The following PARD3 variants were observed in gnomAD, a reference collection of about 807,000 sequenced individuals.
The protein encoded by PARD3 is par-3 family cell polarity regulator, also known as partitioning defective 3 homolog.
PARD3 carries 75 observed loss-of-function variants against 155.4 expected under a neutral mutation model. The ratio of observed to expected loss-of-function variants is 0.48; its 90% CI spans 0.40 to 0.58. PARD3 has a LOEUF of 0.58. Ranked by LOEUF, PARD3 falls within the 20% of genes least tolerant of loss-of-function variation. The pLI is 0.00. For missense variants in PARD3, 1,642 were observed against 1,721.7 expected (o/e 0.95, Z 0.82); for synonymous variants, 576 against 610.5 (o/e 0.94, Z 0.83).
intron 22 of PARD3, among the ~76,000 whole-genome samples, chr10:34,246,835 T>C (rs144761293): frequency 3.3e-5 from 5 of 152,258 alleles, no homozygotes; most frequent in African/African-American, 1.2e-4. Context: ...TGAAAGTTAC[T>C]CTGCAACTGG....
chr10:34,663,318 T>C (rs1039184212), intron 2 of PARD3, among the ~76,000 whole-genome samples: 1 of 151,670 alleles, frequency 6.6e-6, no homozygotes, highest in East Asian at 1.9e-4. Flanking sequence ...ACAAAAAAAA[T>C]AGCCAGGCGT....
chr10:34,346,735 C>T (rs7069373), intron 15 of PARD3, among the ~76,000 whole-genome samples: 5,782 of 152,232 alleles, frequency 0.038, 313 homozygotes, highest in African/African-American at 0.12. Context: ...CATTCACTTA[C>T]GCCAAGCATG....
chr10:34,409,861 ATAATT>A (rs751425778), intron 5 of PARD3, among the ~76,000 whole-genome samples: 1 of 152,356 alleles, frequency 6.6e-6, no homozygotes. Flanking sequence ...AACAAATACA[ATAATT>A]TAAAGTATTA....
At chr10:34,702,140 G>C (rs570124895) in intron 1 of PARD3, among the ~76,000 whole-genome samples, 371 of 151,894 alleles carry the variant, frequency 2.4e-3, no homozygotes, top group Non-Finnish European at 3.3e-3. Context: ...ACTCCAGCCT[G>C]GGCAACAGCA....
chr10:34,344,278 T>C (rs1463729776), intron 15 of PARD3: 1 of 959,996 alleles, frequency 1.0e-6, no homozygotes, highest in Non-Finnish European at 1.2e-6. Context: ...TTGTTTGTTT[T>C]TGTTTTTTTT....
At chr10:34,167,579 G>A (rs1949592814) in intron 22 of PARD3, among the ~76,000 whole-genome samples, 1 of 151,004 alleles carries the variant, frequency 6.6e-6, no homozygotes, top group Non-Finnish European at 1.5e-5. Context: ...AGTAGAAAAT[G>A]GCAAAAGGTA....
In PARD3 at chr10:34,493,025, A is replaced by T. The variant is rs539526900; in HGVS notation, c.404-22762T>A. ...CTACCTTGTATATCCACAAAGCAAG[A>T]TTAATGTATTATAATTCATTTTTCT... On this transcript the variant is annotated intron_variant, in intron 3 of 24. Coordinates refer to ENST00000374788, the MANE Select transcript of PARD3 (RefSeq NM_001184785.2). Among the ~76,000 whole-genome samples the T allele has an allele frequency of 4.7e-4, 72 of 152,334 alleles. 1 individual carries two copies. The highest frequency in any genetic ancestry group is 2.1e-3 in the South Asian group (10 of 4,828).
At chr10:34,798,705 C>CA (rs55803946) in intron 1 of PARD3, among the ~76,000 whole-genome samples, 84 of 114,682 alleles carry the variant, frequency 7.3e-4, no homozygotes, top group South Asian at 3.8e-3. Context: ...ACTCTGTCTC[C>CA]AAAAAAAAAA....
intron 3 of PARD3, among the ~76,000 whole-genome samples, chr10:34,487,488 G>GA (rs1347599973): frequency 6.6e-6 from 1 of 151,996 alleles, no homozygotes; most frequent in East Asian, 1.9e-4. Flanking sequence ...CTCAAGTATT[G>GA]AAAGGGCAAT....
intron 2 of PARD3, among the ~76,000 whole-genome samples, chr10:34,650,229 C>T (rs775525290): frequency 5.3e-5 from 8 of 152,210 alleles, no homozygotes; most frequent in South Asian, 2.1e-4. Flanking sequence ...ATGTGCTAGA[C>T]GTTTATACAA....
chr10:34,623,849 C>T (rs186125955), intron 2 of PARD3, among the ~76,000 whole-genome samples: 6 of 150,076 alleles, frequency 4.0e-5, no homozygotes, highest in Admixed American at 6.6e-5. Context: ...AGCATGGTGG[C>T]GCGCACCTGT....
At chr10:34,635,382 G>T (rs1349397305) in intron 2 of PARD3, among the ~76,000 whole-genome samples, 1 of 152,268 alleles carries the variant, frequency 6.6e-6, no homozygotes, top group Non-Finnish European at 1.5e-5. Flanking sequence ...CCTAGAGCCA[G>T]AGAGTGTGCA....
chr10:34,484,930 T>C (rs891713845), intron 3 of PARD3, among the ~76,000 whole-genome samples: 1 of 152,328 alleles, frequency 6.6e-6, no homozygotes, highest in South Asian at 2.1e-4. Flanking sequence ...GCTGCCCTCC[T>C]AGGTTTTAGG....
intron 18 of PARD3, among the ~76,000 whole-genome samples, chr10:34,332,469 C>T (rs1440767070): frequency 1.3e-5 from 2 of 152,046 alleles, no homozygotes; most frequent in Non-Finnish European, 2.9e-5. Context: ...TGCATGGGGT[C>T]ATCAGCCCAT....
chr10:34,646,908 T>C (rs970651945), intron 2 of PARD3, among the ~76,000 whole-genome samples: 9 of 152,228 alleles, frequency 5.9e-5, no homozygotes, highest in South Asian at 2.1e-4. Context: ...CAGGCTTGCA[T>C]GCACTTTTAT....
chr10:34,763,967 C>T (rs556314617), intron 1 of PARD3, among the ~76,000 whole-genome samples: 54 of 152,294 alleles, frequency 3.5e-4, no homozygotes, highest in Non-Finnish European at 6.3e-4. Context: ...ACTGGATTTT[C>T]ACTTAGTTTA....
rs115979375 is a variant in PARD3 at position 34,362,381 on chromosome 10, G to A, written c.1708-2122C>T. On this transcript the variant is annotated intron_variant, in intron 12 of 24. Coordinates refer to ENST00000374788, the MANE Select transcript of PARD3 (RefSeq NM_001184785.2). ...AACCAATGTATTGTGGGCAAAAAAA[G>A]ATCAAATATATCAAATACTTTGATA... is the stretch of plus-strand genomic sequence containing the variant. 9.1e-3 allele frequency among the ~76,000 whole-genome samples: 1,379 copies of A among 152,248 alleles called. 19 individuals carry two copies. The highest frequency in any genetic ancestry group is 0.032 in the African/African-American group (1,310 of 41,544).
intron 2 of PARD3, among the ~76,000 whole-genome samples, chr10:34,667,669 A>G (rs1201715369): frequency 1.3e-5 from 2 of 152,230 alleles, no homozygotes; most frequent in Non-Finnish European, 2.9e-5. Context: ...TAGGGGTGAT[A>G]TCGGACAAAC....
chr10:34,492,162 G>A (rs2079955889), intron 3 of PARD3, among the ~76,000 whole-genome samples: 1 of 152,066 alleles, frequency 6.6e-6, no homozygotes, highest in Non-Finnish European at 1.5e-5. Context: ...ACATTAGTAC[G>A]GATTTCTAAT....
Sources: allele counts gnomAD v4.1 joint callset (sites outside exome capture counted in the v4.1 genomes callset), GRCh38; gene constraint gnomAD v4.1.1; transcripts MANE v1.5; gene names NCBI Gene and HGNC (gene_info 2026-07-23, HGNC 2026-07-21).